RIPOR2: variants seen among roughly 807,000 people sequenced by gnomAD.
RIPOR2 encodes RHO family interacting cell polarization regulator 2.
In RIPOR2, 39 loss-of-function variants were observed where a neutral mutation model predicts 114.5. The observed-to-expected ratio is 0.34, with a 90% confidence interval of 0.26 to 0.44. The LOEUF (loss-of-function observed/expected upper bound fraction) is 0.44. Among genes scored for constraint, RIPOR2 ranks in the 20% least tolerant of loss-of-function variants. RIPOR2 has a pLI of 1.00. For synonymous variants in RIPOR2, 445 were observed against 484.4 expected (o/e 0.92, Z 1.07); for missense variants, 1,007 against 1,255.1 (o/e 0.80, Z 2.99).
In RIPOR2 at chr6:24,817,976, C is replaced by CTTTTTTTTTTTTTTTTT. The variant is rs758675486; in HGVS notation, c.2952+565_2952+566insAAAAAAAAAAAAAAAAA. Among the ~76,000 whole-genome samples the CTTTTTTTTTTTTTTTTT allele has an allele frequency of 2.5e-4, 21 of 84,444 alleles. 4 individuals carry two copies. Among genetic ancestry groups the CTTTTTTTTTTTTTTTTT allele is most frequent in the Non-Finnish European group, 1.5e-4 (6 of 39,908 alleles). The allele number at this position is 84,444 out of a possible 152,430, so 55.4% of individuals were successfully genotyped here. ...ATATACTTTCCTTTTCTCTCTCTCT[C>CTTTTTTTTTTTTTTTTT]TCTTTTTTTTTGAGACAGAGTCTGG... On this transcript the variant is annotated intron_variant, in intron 20 of 21. Transcript: ENST00000643898.
At chr6:24,929,752 T>A (rs926057342) in intron 1 of RIPOR2, among the ~76,000 whole-genome samples, 1 of 152,174 alleles carries the variant, frequency 6.6e-6, no homozygotes, top group African/African-American at 2.4e-5. Flanking sequence ...AGAAGTTGAA[T>A]AAACTGACAT....
At chr6:24,921,215 T>G (rs560375554) in intron 1 of RIPOR2, among the ~76,000 whole-genome samples, 1 of 151,996 alleles carries the variant, frequency 6.6e-6, no homozygotes, top group Non-Finnish European at 1.5e-5. Flanking sequence ...CAGGCTGGAG[T>G]GCAGTGGCAT....
chr6:24,884,726 G>A (rs897882590), intron 1 of RIPOR2, among the ~76,000 whole-genome samples: 6 of 152,172 alleles, frequency 3.9e-5, no homozygotes, highest in Admixed American at 3.9e-4. Context: ...GGCAAGCATT[G>A]TAAGGTTCAA....
chr6:24,986,648 C>T (rs931517127), intron 1 of RIPOR2, among the ~76,000 whole-genome samples: 22 of 152,092 alleles, frequency 1.4e-4, no homozygotes, highest in Non-Finnish European at 2.9e-4. Context: ...TCACCTGAAA[C>T]GCTCTGCTTG....
At chr6:24,881,490 C>A (rs1766349938) in intron 1 of RIPOR2, among the ~76,000 whole-genome samples, 2 of 152,056 alleles carry the variant, frequency 1.3e-5, no homozygotes, top group Admixed American at 6.6e-5. Flanking sequence ...GGAAGGAATC[C>A]CAAGCACCTT....
intron 1 of RIPOR2, among the ~76,000 whole-genome samples, chr6:25,016,724 A>G (rs905673410): frequency 6.6e-6 from 1 of 152,208 alleles, no homozygotes; most frequent in South Asian, 2.1e-4. Flanking sequence ...AATTATGAAC[A>G]TTCTTCAAAA....
At chr6:24,840,718 T>C (rs1275064419) in intron 13 of RIPOR2, 23 of 1,535,436 alleles carry the variant, frequency 1.5e-5, no homozygotes, top group Non-Finnish European at 1.8e-5. Flanking sequence ...TCACCCTCAG[T>C]GATCTCCGTC....
intron 6 of RIPOR2, among the ~76,000 whole-genome samples, chr6:24,865,692 G>C (rs1764536341): frequency 6.6e-6 from 1 of 152,124 alleles, no homozygotes. Context: ...TGCCTCTCTT[G>C]CATTGTTTGA....
chr6:24,976,866 T>C, intron 1 of RIPOR2: 1 of 1,609,402 alleles, frequency 6.2e-7, no homozygotes, highest in Non-Finnish European at 8.5e-7. Flanking sequence ...AAGCATGTGG[T>C]CTTTGGCAAA....
At position 24,868,217 on chromosome 6, in the gene RIPOR2, T is replaced by C. The variant is rs566667527; in HGVS notation, c.501+877A>G. 1.1e-4 allele frequency among the ~76,000 whole-genome samples: 16 copies of C among 152,274 alleles called. No individual in the cohort carries two copies. In the South Asian group the frequency reaches 2.9e-3, roughly 28 times the overall value. ...TTTAAACCAGAAAGGATTCTTAGGA[T>C]CATGTAGATCAAATCTGTGTACCTC... On this transcript the variant is annotated intron_variant, in intron 6 of 21. Coordinates refer to ENST00000643898, the MANE Select transcript of RIPOR2 (RefSeq NM_001286445.3).
intron 1 of RIPOR2, among the ~76,000 whole-genome samples, chr6:24,900,085 C>T (rs1401439690): frequency 1.3e-5 from 2 of 152,172 alleles, no homozygotes; most frequent in African/African-American, 2.4e-5. Flanking sequence ...GTCTCTGTTT[C>T]GAGTTGCTAA....
At chr6:25,028,475 A>G (rs555816516) in intron 1 of RIPOR2, among the ~76,000 whole-genome samples, 2 of 152,242 alleles carry the variant, frequency 1.3e-5, no homozygotes, top group East Asian at 1.9e-4. Flanking sequence ...GTGACTTTTA[A>G]TAAGTCCTTT....
chr6:24,968,838 A>G (rs184815335), intron 1 of RIPOR2, among the ~76,000 whole-genome samples: 1 of 152,234 alleles, frequency 6.6e-6, no homozygotes, highest in East Asian at 1.9e-4. Context: ...TTCAGCACCA[A>G]AGAATTATGC....
At chr6:25,025,603 TTTAA>T (rs1478396475) in intron 1 of RIPOR2, among the ~76,000 whole-genome samples, 4 of 152,136 alleles carry the variant, frequency 2.6e-5, no homozygotes, top group Non-Finnish European at 5.9e-5. Flanking sequence ...GAGAAAAAAA[TTTAA>T]TTGTTTTTAG....
chr6:24,876,412 A>G lies in RIPOR2; in HGVS notation c.62-595T>C, dbSNP rs1205973657. Among the ~76,000 whole-genome samples the G allele has an allele frequency of 2.0e-5, 3 of 152,168 alleles. No individual in the cohort carries two copies. In the East Asian group the frequency reaches 5.8e-4, roughly 29 times the overall value. On this transcript the variant is annotated intron_variant, in intron 1 of 21. Transcript: ENST00000643898. ...AAGGTTCAACCACACCCTCAAAAAC[A>G]TGAAAACTGTTGTAACATTTATCTC...
At chr6:25,005,723 A>ATG (rs1775527472) in intron 1 of RIPOR2, among the ~76,000 whole-genome samples, 1 of 111,648 alleles carries the variant, frequency 9.0e-6, no homozygotes, top group East Asian at 2.9e-4. Flanking sequence ...ATATATATAT[A>ATG]TATATATATA....
intron 7 of RIPOR2, among the ~76,000 whole-genome samples, chr6:24,863,759 C>T (rs1229457952): frequency 6.6e-6 from 1 of 152,170 alleles, no homozygotes; most frequent in Non-Finnish European, 1.5e-5. Context: ...ATGTTCATGT[C>T]ACATTATTTA....
intron 1 of RIPOR2, among the ~76,000 whole-genome samples, chr6:25,028,903 C>T (rs746833124): frequency 6.6e-6 from 1 of 152,162 alleles, no homozygotes; most frequent in Non-Finnish European, 1.5e-5. Context: ...TAAGGAAAGG[C>T]CCTGAGAATG....
At chr6:24,884,179 C>T (rs373862849) in intron 1 of RIPOR2, among the ~76,000 whole-genome samples, 12 of 152,106 alleles carry the variant, frequency 7.9e-5, no homozygotes, top group Admixed American at 2.0e-4. Flanking sequence ...GAGGCTGAGG[C>T]GGGCGGATCA....
Sources: gnomAD v4.1 joint callset for allele counts (sites outside exome capture counted in the v4.1 genomes callset) on GRCh38, gnomAD v4.1.1 for gene constraint, MANE v1.5 for transcripts, NCBI Gene and HGNC (gene_info 2026-07-23, HGNC 2026-07-21) for gene names.